The following ZFP1 variants were observed in gnomAD, a reference collection of about 807,000 sequenced individuals.
ZFP1 encodes ZFP1 zinc finger protein, also known as zinc finger protein 1 homolog.
ZFP1 carries 32 observed loss-of-function variants against 38.5 expected under a neutral mutation model. The ratio of observed to expected loss-of-function variants is 0.83; its 90% CI spans 0.63 to 1.12. The LOEUF is 1.12. ZFP1 is among the 50% of genes most tolerant of loss of function. The pLI, the probability that ZFP1 is intolerant of heterozygous loss-of-function variation, is 0.00. For synonymous variants in ZFP1, 245 were observed against 168.8 expected (o/e 1.45, Z -3.50); for missense variants, 616 against 480.8 (o/e 1.28, Z -2.63).
At chr16:75,143,237 T>A in the ZFP1 span, among the ~76,000 whole-genome samples, 1 of 151,960 alleles carries the variant, frequency 6.6e-6, no homozygotes, top group Non-Finnish European at 1.5e-5. Flanking sequence ...GGGCCTGAAT[T>A]TTTTGTTTTG....
intron 2 of ZFP1, among the ~76,000 whole-genome samples, chr16:75,164,701 G>A (rs11863106): frequency 6.6e-6 from 1 of 152,052 alleles, no homozygotes; most frequent in Non-Finnish European, 1.5e-5. Flanking sequence ...CACAAGCTAA[G>A]AATGGTTTTT....
rs771735360 is a variant in ZFP1 at position 75,169,830 on chromosome 16, C to T, written c.720C>T (p.Phe240=). The stretch of plus-strand genomic sequence containing the variant: ...GAATTCACACTGGGGAGAAACCTTT[C>T]GAGTGTCCGGAATGTGGAAAAGCTT... ...HQRIHTGEKP[F]ECPECGKAFT... Residue 240 remains phenylalanine, a synonymous_variant, in exon 4 of 4, where the codon TTC becomes TTT. Coordinates refer to ENST00000570010, the MANE Select transcript of ZFP1 (RefSeq NM_153688.4). 1.6e-5 allele frequency: 26 copies of T among 1,613,924 alleles called. No individual in the cohort carries two copies. Among genetic ancestry groups the T allele is most frequent in the East Asian group, 2.2e-5 (1 of 44,892 alleles).
chr16:75,120,295 C>T, the ZFP1 span, among the ~76,000 whole-genome samples: 22 of 151,968 alleles, frequency 1.4e-4, no homozygotes, highest in Non-Finnish European at 2.5e-4. Context: ...TCATTTACTT[C>T]GGCTGTATCT....
At position 75,171,676 on chromosome 16, in the gene ZFP1, C is replaced by T. The variant is rs2038440298; in HGVS notation, c.*1342C>T. On this transcript the variant is annotated 3_prime_UTR_variant, in exon 4 of 4. Coordinates refer to ENST00000570010, the MANE Select transcript of ZFP1 (RefSeq NM_153688.4). ...ATCATGTATTGGAAATTATAAATGG[C>T]AACCAAAAACTGGCTTTTAAAAAAT... The T allele has an allele frequency of 6.6e-6, 1 of 152,150 alleles. No homozygotes were observed. The highest frequency in any genetic ancestry group is 1.5e-5 in the Non-Finnish European group (1 of 68,034). 9.4% of individuals were successfully genotyped at this position (152,150 alleles called of 1,614,324 possible).
At chr16:75,149,557 CTTTTTT>C (rs34371791) in intron 1 of ZFP1, among the ~76,000 whole-genome samples, 5 of 101,766 alleles carry the variant, frequency 4.9e-5, no homozygotes, top group African/African-American at 1.5e-4. Context: ...TCTTTACTTT[CTTTTTT>C]TTTTTTTTTT....
the ZFP1 span, among the ~76,000 whole-genome samples, chr16:75,140,479 AT>A: frequency 2.6e-5 from 4 of 152,160 alleles, no homozygotes; most frequent in Non-Finnish European, 5.9e-5. Flanking sequence ...AATGAACACC[AT>A]CTGACATGCT....
chr16:75,131,746 C>T, the ZFP1 span, among the ~76,000 whole-genome samples: 4 of 152,110 alleles, frequency 2.6e-5, no homozygotes, highest in South Asian at 8.3e-4. Flanking sequence ...GGTGGGTCAC[C>T]TGAGGTCAGG....
intron 2 of ZFP1, among the ~76,000 whole-genome samples, chr16:75,164,629 A>G (rs2037964101): frequency 6.6e-6 from 1 of 152,088 alleles, no homozygotes; most frequent in South Asian, 2.1e-4. Context: ...ATCATTCTAG[A>G]TCGGGGGTGT....
chr16:75,166,896 G>A lies in ZFP1; in HGVS notation c.142G>A (p.Glu48Lys). The A allele has an allele frequency of 6.2e-7, 1 of 1,613,140 alleles. No homozygotes were observed. ...LENYSNLLSV[E>K]VWKADDQMER... ...GAATTATAGCAACTTACTTTCAGTG[G>A]GTAAGGACGGTTTTCAGGTACAGCT... is the stretch of plus-strand genomic sequence containing the variant. Residue 48 changes from glutamate to lysine, a missense_variant and splice_region_variant, in exon 3 of 4, where the codon GAA becomes AAA. Coordinates refer to ENST00000570010, the MANE Select transcript of ZFP1 (RefSeq NM_153688.4).
chr16:75,163,769 G>C (rs560251978), intron 2 of ZFP1, among the ~76,000 whole-genome samples: 4 of 151,702 alleles, frequency 2.6e-5, no homozygotes, highest in African/African-American at 2.4e-5. Context: ...GCACCACCAC[G>C]TCCAGCTAGG....
chr16:75,137,797 T>C, the ZFP1 span, among the ~76,000 whole-genome samples: 1 of 151,728 alleles, frequency 6.6e-6, no homozygotes, highest in African/African-American at 2.4e-5. Flanking sequence ...CTGCATGCAG[T>C]GAGGCTTAGG....
rs776854434 is a variant in ZFP1 at position 75,169,674 on chromosome 16, C to T, written c.564C>T (p.Tyr188=). 3.7e-6 allele frequency: 6 copies of T among 1,609,508 alleles called. No homozygotes were observed. The highest frequency in any genetic ancestry group is 2.2e-5 in the East Asian group (1 of 44,836). The change falls in exon 4 of 4, where the codon TAC becomes TAT. Residue 188 remains tyrosine (Y), a synonymous_variant. Coordinates refer to ENST00000570010, the MANE Select transcript of ZFP1 (RefSeq NM_153688.4). The part of the protein sequence containing the change: ...KNLVQPFICT[Y]CDKAFSFKSL... Reference sequence around the variant, plus strand: ...TGGTTCAACCTTTCATTTGTACTTACTGTGACAAGGCTTTCTCCTTTAAGT... The same window carrying T: ...TGGTTCAACCTTTCATTTGTACTTATTGTGACAAGGCTTTCTCCTTTAAGT...
rs111649571 is a variant in ZFP1, at chr16:75,170,600, A to G, written c.*266A>G. ...ATGAGCTTTTTAAAATCTTGAATGA[A>G]TTGAGTATTCTAGACAGCAGCATAA... is the stretch of plus-strand genomic sequence containing the variant. On this transcript the variant is annotated 3_prime_UTR_variant, in exon 4 of 4. Transcript: ENST00000570010. 2,528 of 368,126 alleles carry G rather than the reference A, an allele frequency of 6.9e-3. 17 individuals are homozygous for G. The highest frequency in any genetic ancestry group is 0.024 in the Middle Eastern group (32 of 1,316). 22.8% of individuals were successfully genotyped at this position (368,126 alleles called of 1,614,324 possible). A position where few individuals can be genotyped will look rare whatever the true frequency, so the allele number is the denominator to read the frequency against.
intron 2 of ZFP1, among the ~76,000 whole-genome samples, chr16:75,160,950 T>A (rs779678930): frequency 6.6e-6 from 1 of 152,142 alleles, no homozygotes; most frequent in East Asian, 1.9e-4. Flanking sequence ...CAATACTTAA[T>A]TGGGGATTAA....
chr16:75,120,576 G>T, the ZFP1 span, among the ~76,000 whole-genome samples: 2 of 151,310 alleles, frequency 1.3e-5, no homozygotes, highest in South Asian at 2.1e-4. Flanking sequence ...TTACCCTTGG[G>T]TTTTTTTGTT....
rs2038463938 is a variant in ZFP1 at position 75,172,056 on chromosome 16, A to G, written c.*1722A>G. The G allele has an allele frequency of 1.3e-5, 2 of 152,216 alleles. No homozygotes were observed. The highest frequency in any genetic ancestry group is 1.3e-4 in the Admixed American group (2 of 15,278). 9.4% of individuals were successfully genotyped at this position (152,216 alleles called of 1,614,324 possible). Reference sequence around the variant, plus strand: ...AACAAACAAAAAAAAGACCATCAGTAAGGGAATGGATGAATAAATTGTGGT... The same window carrying G: ...AACAAACAAAAAAAAGACCATCAGTGAGGGAATGGATGAATAAATTGTGGT... On this transcript the variant is annotated 3_prime_UTR_variant, in exon 4 of 4. Transcript: ENST00000570010.
At chr16:75,162,574 T>C (rs984866623) in intron 2 of ZFP1, among the ~76,000 whole-genome samples, 14 of 152,334 alleles carry the variant, frequency 9.2e-5, no homozygotes, top group Non-Finnish European at 1.3e-4. Flanking sequence ...ATTTGTTACA[T>C]AGATATTTTT....
chr16:75,152,697 T>G (rs1320788124), intron 1 of ZFP1, among the ~76,000 whole-genome samples: 1 of 152,254 alleles, frequency 6.6e-6, no homozygotes, highest in Non-Finnish European at 1.5e-5. Flanking sequence ...TGGATTATCT[T>G]AGTCTTGCCT....
intron 2 of ZFP1, among the ~76,000 whole-genome samples, chr16:75,165,476 C>T (rs186065820): frequency 6.6e-4 from 100 of 152,122 alleles, no homozygotes; most frequent in Middle Eastern, 3.4e-3. Flanking sequence ...CTCACTGCAG[C>T]CTCCACCTCC....
Sources: allele counts gnomAD v4.1 joint callset (sites outside exome capture counted in the v4.1 genomes callset), GRCh38; gene constraint gnomAD v4.1.1; transcripts MANE v1.5; gene names NCBI Gene and HGNC (gene_info 2026-07-23, HGNC 2026-07-21).